The following KIF1A variants were observed in gnomAD, a reference collection of about 807,000 sequenced individuals.
The protein encoded by KIF1A is kinesin family member 1A, also known as kinesin-like protein KIF1A.
A neutral mutation model predicts 227.3 loss-of-function variants in KIF1A; 46 were observed. That is an observed-to-expected ratio of 0.20 (90% CI 0.16 to 0.26). The LOEUF (loss-of-function observed/expected upper bound fraction) is 0.26, where lower values mean the gene tolerates loss of function less well. Among genes scored for constraint, KIF1A ranks in the 10% least tolerant of loss-of-function variants. The pLI, the probability that KIF1A is intolerant of heterozygous loss-of-function variation, is 1.00. For missense variants in KIF1A, 1,683 were observed against 2,485.9 expected, an observed-to-expected ratio of 0.68 and a Z score of 6.87; for synonymous variants, 1,022 against 1,012.8, an observed-to-expected ratio of 1.01 and a Z score of -0.17.
Position 240,721,776 on chromosome 2 carries a change from G to T in KIF1A, c.4743+31C>A, listed in dbSNP as rs767720450. Reference sequence around the variant, plus strand: ...TGCCTATGGGAGCCCGAGCCCTGCGGGGCAGCCTGGTGCAGCCCCTCTGCA... The same window carrying T: ...TGCCTATGGGAGCCCGAGCCCTGCGTGGCAGCCTGGTGCAGCCCCTCTGCA... On this transcript the variant is annotated intron_variant, in intron 44 of 48. Transcript: ENST00000498729. The T allele has an allele frequency of 9.5e-6, 15 of 1,577,388 alleles. No homozygotes were observed. The South Asian group carries it at 1.5e-4, about 16-fold the overall frequency.
rs1467953795 is a variant in KIF1A at position 240,776,235 on chromosome 2, C to T, written c.883-309G>A. Among the ~76,000 whole-genome samples the T allele has an allele frequency of 3.3e-5, 5 of 152,222 alleles. No individual in the cohort carries two copies. In the East Asian group the frequency reaches 7.7e-4, roughly 23 times the overall value. On this transcript the variant is annotated intron_variant, in intron 10 of 48. Transcript: ENST00000498729. ...CACCGGCCAGGAGTGCTGATGTCACCAGCAAGTGTGTCCTCCCTCCACTCT... is the reference window on the plus strand; with the variant it reads ...CACCGGCCAGGAGTGCTGATGTCACTAGCAAGTGTGTCCTCCCTCCACTCT...
intron 24 of KIF1A, 81 bp from the exon 25 acceptor site, chr2:240,760,924 T>A (rs2050439575): frequency 7.4e-7 from 1 of 1,346,378 alleles, no homozygotes; most frequent in Non-Finnish European, 1.0e-6. Context: ...CTTCCCACCT[T>A]CTGGAGATTT....
intron 46 of KIF1A, among the ~76,000 whole-genome samples, 185 bp downstream of exon 46, chr2:240,719,589 A>C (rs972774239): frequency 6.6e-6 from 1 of 152,174 alleles, no homozygotes; most frequent in Non-Finnish European, 1.5e-5. Flanking sequence ...ACCTCCCAGC[A>C]TGGAGCTGTC....
intron 27 of KIF1A, among the ~76,000 whole-genome samples, chr2:240,755,233 C>G (rs1268650353): frequency 6.6e-6 from 1 of 152,248 alleles, no homozygotes; most frequent in East Asian, 1.9e-4. Context: ...CAGTGCAGAA[C>G]ACAGGAGGCC....
intron 1 of KIF1A, among the ~76,000 whole-genome samples, chr2:240,805,027 G>A (rs896339680): frequency 7.1e-6 from 1 of 140,562 alleles, no homozygotes; most frequent in Admixed American, 7.1e-5. Flanking sequence ...GAAGGGAAGG[G>A]GAGGGGAGGG....
At chr2:240,805,333 G>A in intron 1 of KIF1A, among the ~76,000 whole-genome samples, 1 of 152,212 alleles carries the variant, frequency 6.6e-6, no homozygotes, top group East Asian at 1.9e-4. Context: ...AAAGAACCAT[G>A]CAGAACTTTT....
chr2:240,812,262 G>A (rs1264576109), intron 1 of KIF1A, among the ~76,000 whole-genome samples: 1 of 152,216 alleles, frequency 6.6e-6, no homozygotes, highest in Admixed American at 6.5e-5. Flanking sequence ...GAAGGGGGCT[G>A]GGGGTGGCAC....
chr2:240,807,130 G>GTGTGTGTATA (rs1356399506), intron 1 of KIF1A, among the ~76,000 whole-genome samples: 26 of 119,442 alleles, frequency 2.2e-4, no homozygotes, highest in African/African-American at 6.7e-4. Flanking sequence ...GTGTGTGTGT[G>GTGTGTGTATA]TATATATATA....
chr2:240,745,319 G>C, intron 32 of KIF1A, 108 bp downstream of exon 32: 1 of 899,922 alleles, frequency 1.1e-6, no homozygotes, highest in Non-Finnish European at 1.8e-6. Flanking sequence ...GCACAAGGCA[G>C]TCCTGGCCCA....
rs6708456 is a variant in KIF1A, at chr2:240,790,576, C to T, written c.107-1264G>A. Among the ~76,000 whole-genome samples the T allele has an allele frequency of 0.43, 64,451 of 151,632 alleles. 15,784 individuals are homozygous for T. Among genetic ancestry groups the T allele is most frequent in the African/African-American group, 0.69 (28,452 of 41,304 alleles). Reference sequence around the variant, plus strand: ...GTCCCCCTAATTTCATATTTTGAAGCCTTTACCCCCAGTATCTCAGAATGG... The same window carrying T: ...GTCCCCCTAATTTCATATTTTGAAGTCTTTACCCCCAGTATCTCAGAATGG... On this transcript the variant is annotated intron_variant, in intron 2 of 48. Coordinates refer to ENST00000498729, the MANE Select transcript of KIF1A (RefSeq NM_001244008.2). The surrounding 1 kb of genome is among the most constrained non-coding windows in gnomAD (Gnocchi z 5.0).
chr2:240,735,997 C>T (rs1207055372), intron 38 of KIF1A, among the ~76,000 whole-genome samples: 1 of 151,364 alleles, frequency 6.6e-6, no homozygotes. Context: ...CTGTTCAGCG[C>T]TGTGCCCACC....
chr2:240,788,002 G>C lies in KIF1A; in HGVS notation c.363+49C>G. On this transcript the variant is annotated intron_variant, in intron 4 of 48. Coordinates refer to ENST00000498729, the MANE Select transcript of KIF1A (RefSeq NM_001244008.2). This position sits in a 1 kb window ranked among gnomAD's most constrained non-coding sequence, Gnocchi z 6.6. ...GGCCCGGAGCTCTCAGCCTCAGCTG[G>C]TCCCGCCCCATCTGCCAGGGCTGCC... is the stretch of plus-strand genomic sequence containing the variant. 6.6e-7 allele frequency: 1 copy of C among 1,518,076 alleles called. No individual in the cohort carries two copies. Among genetic ancestry groups the C allele is most frequent in the Non-Finnish European group, 8.9e-7 (1 of 1,121,812 alleles). 94.0% of individuals were successfully genotyped at this position (1,518,076 alleles called of 1,614,324 possible).
At position 240,773,137 on chromosome 2, in the gene KIF1A, T is replaced by C. The variant is rs1444723061; in HGVS notation, c.1157A>G (p.Gln386Arg). 5 of 1,613,550 alleles carry C rather than the reference T, an allele frequency of 3.1e-6. No homozygotes were observed. Among genetic ancestry groups the C allele is most frequent in the Non-Finnish European group, 4.2e-6 (5 of 1,179,744 alleles). Residue 386 changes from glutamine (Q) to arginine (R), a missense_variant, in exon 13 of 49, where the codon CAG (glutamine) becomes CGG (arginine). Physicochemically the swap from Gln to Arg is conservative, Grantham distance 43. Transcript: ENST00000498729. ...ACTGTCAGTGATGTCGCCAAGACCC[T>C]GGGCGTACAGAAGGTCCCGCAGCCG... ...VTRLRDLLYA[Q>R]GLGDITDTNT...
Position 240,737,122 on chromosome 2 carries a change from G to T in KIF1A, c.3948C>A (p.Pro1316=). 1 of 1,613,794 alleles carries T rather than the reference G, an allele frequency of 6.2e-7. No individual in the cohort carries two copies. ...AGAGGATGTTGAGAGACAAGATGTTGGGGTCGATCAGGGACTCGTCGGTCT... is the reference window on the plus strand; with the variant it reads ...AGAGGATGTTGAGAGACAAGATGTTTGGGTCGATCAGGGACTCGTCGGTCT... The part of the protein sequence containing the change: ...TPETDESLID[P]NILSLNILSS... The change falls in exon 38 of 49, where the codon CCC becomes CCA. Residue 1316 remains proline, a synonymous_variant. Transcript: ENST00000498729.
In KIF1A at chr2:240,774,149, C is replaced by T. The variant is rs550508384; in HGVS notation, c.1037+34G>A. On this transcript the variant is annotated intron_variant, in intron 12 of 48. Transcript: ENST00000498729. ...GGATCCATCCCCCAAGACCAGGGAG[C>T]GGGAAGCAGAGCTTGTCTCCCTGGA... is the stretch of plus-strand genomic sequence containing the variant. The T allele has an allele frequency of 8.5e-5, 117 of 1,383,458 alleles. No homozygotes were observed. The East Asian group carries it at 1.2e-3, about 14-fold the overall frequency. The allele number at this position is 1,383,458 out of a possible 1,614,324, so 85.7% of individuals were successfully genotyped here. A position where few individuals can be genotyped will look rare whatever the true frequency, so the allele number is the denominator to read the frequency against.
At chr2:240,721,363 T>C (rs2045357276) in intron 44 of KIF1A, among the ~76,000 whole-genome samples, 1 of 152,160 alleles carries the variant, frequency 6.6e-6, no homozygotes, top group African/African-American at 2.4e-5. Context: ...GGTGATGCCA[T>C]GGGGACAAGG....
chr2:240,737,811 C>T (rs1168436487), intron 37 of KIF1A, among the ~76,000 whole-genome samples: 1 of 152,202 alleles, frequency 6.6e-6, no homozygotes, highest in Non-Finnish European at 1.5e-5. Flanking sequence ...CAGTTCTGCT[C>T]ATTCAAAGGA....
intron 6 of KIF1A, 64 bp from the exon 7 acceptor site, chr2:240,785,164 G>T: frequency 7.4e-7 from 1 of 1,348,538 alleles, no homozygotes. Flanking sequence ...GATCGCCGGT[G>T]GTGCCAGCCC....
chr2:240,767,143 G>T, intron 18 of KIF1A, 122 bp from the exon 19 acceptor site: 1 of 1,103,758 alleles, frequency 9.1e-7, no homozygotes, highest in Non-Finnish European at 1.3e-6. Context: ...AGACATCAGT[G>T]GGGTCGCTGG....
Sources: gnomAD v4.1 joint callset for allele counts (sites outside exome capture counted in the v4.1 genomes callset) on GRCh38, gnomAD v4.1.1 for gene constraint, Gnocchi (gnomAD v3.1) non-coding constraint, MANE v1.5 for transcripts, NCBI Gene and HGNC (gene_info 2026-07-23, HGNC 2026-07-21) for gene names.